The following NFXL1 variants were observed in gnomAD, a reference collection of about 807,000 sequenced individuals.
NFXL1 encodes the protein nuclear transcription factor, X-box binding like 1, also known as NF-X1-type zinc finger protein NFXL1.
In NFXL1, 66 loss-of-function variants were observed where a neutral mutation model predicts 123.3. The ratio of observed to expected loss-of-function variants is 0.54; its 90% CI spans 0.44 to 0.66. The LOEUF (loss-of-function observed/expected upper bound fraction) is 0.66. Ranked by LOEUF, NFXL1 falls within the 30% of genes least tolerant of loss-of-function variation. NFXL1 has a pLI of 0.00. For missense variants in NFXL1, 944 were observed against 1,125.6 expected, an observed-to-expected ratio of 0.84 and a Z score of 2.31; for synonymous variants, 346 against 360.8, an observed-to-expected ratio of 0.96 and a Z score of 0.46.
chr4:47,868,931 C>T (rs1578001692), intron 18 of NFXL1, among the ~76,000 whole-genome samples: 1 of 152,162 alleles, frequency 6.6e-6, no homozygotes, highest in South Asian at 2.1e-4. Flanking sequence ...TACAGAAACA[C>T]ACTAACAGGC....
chr4:47,894,373 CA>C, intron 10 of NFXL1, 71 bp from the exon 11 acceptor site: 1 of 1,151,850 alleles, frequency 8.7e-7, no homozygotes, highest in Non-Finnish European at 1.2e-6. Context: ...GCAACTTCTA[CA>C]ATTATTAAAA....
chr4:47,899,271 A>T, intron 6 of NFXL1, 99 bp downstream of exon 6: 1 of 1,323,310 alleles, frequency 7.6e-7, no homozygotes, highest in Non-Finnish European at 1.0e-6. Context: ...TCTCATGGCA[A>T]ACTAAACTGT....
chr4:47,855,709 T>C (rs529224815), intron 19 of NFXL1, among the ~76,000 whole-genome samples: 4 of 152,128 alleles, frequency 2.6e-5, no homozygotes, highest in South Asian at 2.1e-4. Flanking sequence ...CCTGTCCTTA[T>C]ACGGTGTTAT....
intron 5 of NFXL1, among the ~76,000 whole-genome samples, chr4:47,900,265 A>G (rs529227015): frequency 6.6e-6 from 1 of 152,166 alleles, no homozygotes; most frequent in African/African-American, 2.4e-5. Context: ...GCTGGAGTAT[A>G]GTGGCGCAAT....
chr4:47,879,232 T>C (rs891278413), intron 15 of NFXL1, 115 bp from the exon 16 acceptor site: 4 of 446,784 alleles, frequency 9.0e-6, no homozygotes, highest in East Asian at 3.6e-5. Context: ...TAAGCAATTA[T>C]AGTAAAGTTA....
rs1297764144 is a variant in NFXL1 at position 47,905,312 on chromosome 4, T to C, written c.441A>G (p.Gln147=). The C allele has an allele frequency of 6.3e-7, 1 of 1,599,374 alleles. No homozygotes were observed. The highest frequency in any genetic ancestry group is 8.6e-7 in the Non-Finnish European group (1 of 1,167,566). The change falls in exon 4 of 23, where the codon CAA becomes CAG. Residue 147 remains glutamine, a synonymous_variant. Transcript: ENST00000507489. ...CTGCTTGAAAAGCTTCATTTACATA[T>C]TGTTTTGTTCGCTCTAATTCACGTG... ...GDTRELERTK[Q]YVNEAFQAGA...
chr4:47,896,237 T>C (rs1003110198), intron 10 of NFXL1, among the ~76,000 whole-genome samples: 6 of 152,168 alleles, frequency 3.9e-5, no homozygotes, highest in Admixed American at 6.5e-5. Context: ...CATGAGCACA[T>C]ACTGTTGGAA....
intron 10 of NFXL1, among the ~76,000 whole-genome samples, chr4:47,895,272 C>T (rs1238549962): frequency 6.6e-6 from 1 of 152,060 alleles, no homozygotes; most frequent in Non-Finnish European, 1.5e-5. Flanking sequence ...GGTAAATGAG[C>T]ACTGGCTTCG....
chr4:47,899,142 A>G, intron 6 of NFXL1, 22 bp from the exon 7 acceptor site: 2 of 297,658 alleles, frequency 6.7e-6, no homozygotes, highest in East Asian at 8.7e-5. Context: ...TAAAAGCAAA[A>G]AAAAAAAAAA....
chr4:47,911,344 T>C (rs1310754697), intron 2 of NFXL1, among the ~76,000 whole-genome samples: 3 of 152,224 alleles, frequency 2.0e-5, no homozygotes, highest in African/African-American at 7.2e-5. Context: ...TTAAAGTACA[T>C]TGTGCACAGT....
chr4:47,862,483 A>G (rs1577993669), intron 19 of NFXL1, among the ~76,000 whole-genome samples: 2 of 152,272 alleles, frequency 1.3e-5, no homozygotes, highest in African/African-American at 4.8e-5. Flanking sequence ...ACGCACCCCT[A>G]TTTTTAAAAA....
Position 47,914,347 on chromosome 4 carries a change from T to C in NFXL1, c.-3+18A>G. 1.5e-6 allele frequency: 1 copy of C among 652,546 alleles called. No individual in the cohort carries two copies. The allele number at this position is 652,546 out of a possible 1,614,324, so 40.4% of individuals were successfully genotyped here. ...AGGGCGGCGACCGGGTTTTAGGAGG[T>C]CGCGGCCCTGCCTTTACCGGAGGGC... On this transcript the variant is annotated intron_variant, in intron 1 of 22. Coordinates refer to ENST00000507489, the MANE Select transcript of NFXL1 (RefSeq NM_001278624.2).
chr4:47,880,831 C>T (rs1461902952), intron 15 of NFXL1, among the ~76,000 whole-genome samples: 4 of 78,446 alleles, frequency 5.1e-5, no homozygotes, highest in Admixed American at 1.2e-4. Flanking sequence ...AAAAAAAAAA[C>T]GCAAAAAGGA....
At chr4:47,883,571 A>G (rs1736242756) in intron 15 of NFXL1, among the ~76,000 whole-genome samples, 1 of 152,196 alleles carries the variant, frequency 6.6e-6, no homozygotes, top group South Asian at 2.1e-4. Flanking sequence ...TTGTGCATAT[A>G]TCTCCTAACA....
At chr4:47,910,108 G>A (rs938670262) in intron 3 of NFXL1, among the ~76,000 whole-genome samples, 3 of 152,218 alleles carry the variant, frequency 2.0e-5, no homozygotes, top group African/African-American at 4.8e-5. Context: ...ATAAACAAAC[G>A]TGGCTTTAAG....
intron 18 of NFXL1, among the ~76,000 whole-genome samples, chr4:47,869,211 T>C (rs1735286692): frequency 6.6e-6 from 1 of 151,972 alleles, no homozygotes; most frequent in South Asian, 2.1e-4. Context: ...GCCAATAGAG[T>C]AAGACTGTGT....
At chr4:47,870,026 T>C (rs1735332741) in intron 18 of NFXL1, among the ~76,000 whole-genome samples, 1 of 151,978 alleles carries the variant, frequency 6.6e-6, no homozygotes, top group African/African-American at 2.4e-5. Context: ...AGAGAGAAAT[T>C]TTCATTAGAA....
Position 47,875,240 on chromosome 4 carries a change from T to C in NFXL1, c.2133A>G (p.Leu711=), listed in dbSNP as rs1019931857. 1 of 1,613,434 alleles carries C rather than the reference T, an allele frequency of 6.2e-7. No individual in the cohort carries two copies. Among genetic ancestry groups the C allele is most frequent in the East Asian group, 2.2e-5 (1 of 44,846 alleles). ...CEEGCSKSRP[L]GCLHPCILRC... ...GCAAAATACATGGGTGAAGACAACC[T>C]AGTGGCCGTGACTTGGAGCACCCTT... Residue 711 remains leucine (L), a synonymous_variant, in exon 18 of 23, where the codon CTA becomes CTG. Coordinates refer to ENST00000507489, the MANE Select transcript of NFXL1 (RefSeq NM_001278624.2).
chr4:47,908,422 CAAA>C (rs10712553), intron 3 of NFXL1, among the ~76,000 whole-genome samples: 5 of 145,148 alleles, frequency 3.4e-5, no homozygotes, highest in Non-Finnish European at 3.0e-5. Context: ...AGACTGTCTC[CAAA>C]AAAAAAAAAA....
Sources: allele counts gnomAD v4.1 joint callset (sites outside exome capture counted in the v4.1 genomes callset), GRCh38; gene constraint gnomAD v4.1.1; transcripts MANE v1.5; gene names NCBI Gene and HGNC (gene_info 2026-07-23, HGNC 2026-07-21).